MEGF6: variants seen among roughly 807,000 people sequenced by gnomAD.
MEGF6 encodes the protein multiple EGF like domains 6.
MEGF6 carries 184 observed loss-of-function variants against 207.1 expected under a neutral mutation model. The observed-to-expected ratio is 0.89, with a 90% CI of 0.79 to 1.00. MEGF6 has a LOEUF of 1.00. MEGF6 is among the 50% of genes least tolerant of loss of function. MEGF6 has a pLI of 0.00. For synonymous variants in MEGF6, 1,038 were observed against 910.0 expected, an observed-to-expected ratio of 1.14 and a Z score of -2.53; for missense variants, 2,282 against 2,202.9, an observed-to-expected ratio of 1.04 and a Z score of -0.72.
rs1365948373 is a variant in MEGF6 at position 3,560,187 on chromosome 1, T to G, written c.481+19638A>C. Among the ~76,000 whole-genome samples the G allele has an allele frequency of 1.3e-5, 2 of 152,078 alleles. No homozygotes were observed. Among genetic ancestry groups the G allele is most frequent in the Non-Finnish European group, 2.9e-5 (2 of 67,992 alleles). Reference sequence around the variant, plus strand: ...TTATTTTTTAAAGCACTTTTAGGCTTATGGAAAAACTGGACAGAAAGTACA... The same window carrying G: ...TTATTTTTTAAAGCACTTTTAGGCTGATGGAAAAACTGGACAGAAAGTACA... On this transcript the variant is annotated intron_variant, in intron 4 of 36. Coordinates refer to ENST00000356575, the MANE Select transcript of MEGF6 (RefSeq NM_001409.4). This position sits in a 1 kb window ranked among gnomAD's most constrained non-coding sequence, Gnocchi z 4.0.
chr1:3,595,266 C>A (rs764450833), intron 3 of MEGF6, 72 bp downstream of exon 3: 2 of 1,066,550 alleles, frequency 1.9e-6, no homozygotes, highest in African/African-American at 1.6e-5. Flanking sequence ...AGGCCCGGGG[C>A]AGATTCATGG....
intron 4 of MEGF6, among the ~76,000 whole-genome samples, chr1:3,568,304 C>G (rs979671582): frequency 1.4e-5 from 2 of 145,974 alleles, no homozygotes; most frequent in Non-Finnish European, 3.1e-5. Context: ...GGGTAAAAAC[C>G]AAGGCCCCTG....
In MEGF6 at chr1:3,488,716, T is replaced by C. The variant is rs1640236874; in HGVS notation, c.*1812A>G. ...TCTGGCTCTCCGTGTTTCTCACGTATAGTCTGAGGTCAATTTGATTCCCAT... is the reference window on the plus strand; with the variant it reads ...TCTGGCTCTCCGTGTTTCTCACGTACAGTCTGAGGTCAATTTGATTCCCAT... On this transcript the variant is annotated 3_prime_UTR_variant, in exon 37 of 37. Coordinates refer to ENST00000356575, the MANE Select transcript of MEGF6 (RefSeq NM_001409.4). Among the ~76,000 whole-genome samples the C allele has an allele frequency of 6.6e-6, 1 of 152,252 alleles. No individual in the cohort carries two copies. The highest frequency in any genetic ancestry group is 1.5e-5 in the Non-Finnish European group (1 of 68,040).
At chr1:3,586,331 G>A (rs1404323980) in intron 3 of MEGF6, among the ~76,000 whole-genome samples, 2 of 152,350 alleles carry the variant, frequency 1.3e-5, no homozygotes, top group East Asian at 1.9e-4. Context: ...GTGCACGCTC[G>A]AGTGAGCATG....
At chr1:3,492,087 G>A (rs1035400032) in intron 35 of MEGF6, among the ~76,000 whole-genome samples, 6 of 152,092 alleles carry the variant, frequency 3.9e-5, no homozygotes, top group Non-Finnish European at 8.8e-5. Context: ...TGCGTGGACT[G>A]GCACGCACAG....
At chr1:3,494,588 G>T in intron 31 of MEGF6, 25 bp downstream of exon 31, 1 of 1,559,548 alleles carries the variant, frequency 6.4e-7, no homozygotes. Flanking sequence ...GGGATGCTGG[G>T]GTCCCGCTGG....
chr1:3,611,295 T>C lies in MEGF6; in HGVS notation c.-27A>G, dbSNP rs766386236. 3.5e-6 allele frequency: 5 copies of C among 1,427,204 alleles called. No homozygotes were observed. The highest frequency in any genetic ancestry group is 1.5e-5 in the African/African-American group (1 of 67,406). 88.4% of individuals were successfully genotyped at this position (1,427,204 alleles called of 1,614,324 possible). A position where few individuals can be genotyped will look rare whatever the true frequency, so the allele number is the denominator to read the frequency against. ...GTGCGCGCCGGTGCCTCCTCCGCTC[T>C]CCGGCTCACAGGCGGCCCCGGCGGC... On this transcript the variant is annotated 5_prime_UTR_variant, in exon 1 of 37. Coordinates refer to ENST00000356575, the MANE Select transcript of MEGF6 (RefSeq NM_001409.4).
chr1:3,502,795 C>T (rs572546097), intron 17 of MEGF6, among the ~76,000 whole-genome samples: 7 of 152,320 alleles, frequency 4.6e-5, no homozygotes, highest in South Asian at 4.1e-4. Context: ...TGCCCTCCCA[C>T]GCCTGCCCTG....
chr1:3,528,972 CACAG>C (rs113033289), intron 4 of MEGF6, among the ~76,000 whole-genome samples: 20,932 of 152,156 alleles, frequency 0.14, 1,621 homozygotes, highest in East Asian at 0.37. Context: ...TCTCAGGAGT[CACAG>C]ACACTCGGAC....
chr1:3,617,819 G>T, the MEGF6 span, among the ~76,000 whole-genome samples: 288 of 152,290 alleles, frequency 1.9e-3, 1 homozygote, highest in African/African-American at 6.7e-3. Context: ...AGAGCGCAGC[G>T]TGGAGACCGA....
chr1:3,533,420 C>A (rs1321889712), intron 4 of MEGF6, among the ~76,000 whole-genome samples: 2 of 152,256 alleles, frequency 1.3e-5, no homozygotes, highest in Non-Finnish European at 2.9e-5. Flanking sequence ...TTTGAAGGCA[C>A]CTTCCACGCA....
chr1:3,621,553 A>G, the MEGF6 span, among the ~76,000 whole-genome samples: 5 of 152,374 alleles, frequency 3.3e-5, no homozygotes, highest in East Asian at 9.6e-4. Flanking sequence ...TAGATCTAGT[A>G]TAACTCTTGT....
intron 4 of MEGF6, among the ~76,000 whole-genome samples, chr1:3,561,630 G>A (rs1012013858): frequency 3.9e-5 from 6 of 152,180 alleles, no homozygotes; most frequent in South Asian, 4.1e-4. Flanking sequence ...AGTCAGGTGC[G>A]GCTGATGACA....
intron 17 of MEGF6, among the ~76,000 whole-genome samples, 169 bp from the exon 18 acceptor site, chr1:3,502,090 C>CCTCCTCACATGGGCTCCTGGCG (rs1557724687): frequency 5.1e-4 from 1 of 1,956 alleles, no homozygotes; most frequent in African/African-American, 1.5e-3. Context: ...TGTGCCCCCC[C>CCTCCTCACATGGGCTCCTGGCG]GCGCCTCCTC....
chr1:3,565,680 T>G lies in MEGF6; in HGVS notation c.481+14145A>C, dbSNP rs1557780413. Among the ~76,000 whole-genome samples, 1 of 152,116 alleles carries G rather than the reference T, an allele frequency of 6.6e-6. No homozygotes were observed. ...CAGAGTGGCATGGGGCTGTCCAGGATTCCCTGTCCCAGGGGTTCAGGGGCC... is the reference window on the plus strand; with the variant it reads ...CAGAGTGGCATGGGGCTGTCCAGGAGTCCCTGTCCCAGGGGTTCAGGGGCC... On this transcript the variant is annotated intron_variant, in intron 4 of 36. Coordinates refer to ENST00000356575, the MANE Select transcript of MEGF6 (RefSeq NM_001409.4). This position sits in a 1 kb window ranked among gnomAD's most constrained non-coding sequence, Gnocchi z 4.8.
At chr1:3,622,917 A>G in the MEGF6 span, among the ~76,000 whole-genome samples, 115,056 of 152,126 alleles carry the variant, frequency 0.76, 43,937 homozygotes, top group East Asian at 0.98. Context: ...TATCCCTCCT[A>G]TCATTTCTGG....
intron 4 of MEGF6, among the ~76,000 whole-genome samples, chr1:3,579,615 G>T (rs1359137824): frequency 1.3e-5 from 2 of 152,254 alleles, no homozygotes; most frequent in East Asian, 1.9e-4. Context: ...CTGACGGGGG[G>T]TCTCTCAGGG....
intron 4 of MEGF6, among the ~76,000 whole-genome samples, chr1:3,538,696 CTGTGTGTGTGTGTGTGTGTG>C (rs57325073): frequency 1.0e-3 from 132 of 132,102 alleles, no homozygotes; most frequent in East Asian, 3.0e-3. Context: ...GAGCATGTGC[CTGTGTGTGTGTGTGTGTGTG>C]TGTGTGTGTG....
In MEGF6 at chr1:3,501,706, G is replaced by C. The variant is rs572008508; in HGVS notation, c.2314+90C>G. ...CCTGCTATAGACGGGCCTGGGATCC[G>C]CAGGGCTGGGGCCCCCACAGTTCAG... is the stretch of plus-strand genomic sequence containing the variant. On this transcript the variant is annotated intron_variant, in intron 18 of 36. Coordinates refer to ENST00000356575, the MANE Select transcript of MEGF6 (RefSeq NM_001409.4). 1.2e-5 allele frequency: 18 copies of C among 1,490,262 alleles called. No individual in the cohort carries two copies. In the Admixed American group the frequency reaches 1.7e-4, roughly 14 times the overall value. The allele number at this position is 1,490,262 out of a possible 1,614,324, so 92.3% of individuals were successfully genotyped here. A position where few individuals can be genotyped will look rare whatever the true frequency, so the allele number is the denominator to read the frequency against.
Sources: gnomAD v4.1 joint callset for allele counts (sites outside exome capture counted in the v4.1 genomes callset) on GRCh38, gnomAD v4.1.1 for gene constraint, Gnocchi (gnomAD v3.1) non-coding constraint, MANE v1.5 for transcripts, NCBI Gene and HGNC (gene_info 2026-07-23, HGNC 2026-07-21) for gene names.